Variants in EYS observed in about 807,000 individuals in gnomAD.
The protein encoded by EYS is EGF-like photoreceptor maintenance factor, also known as protein eyes shut homolog.
Under a neutral mutation model 282.1 loss-of-function variants are expected in EYS, and 250 were observed. That is an observed-to-expected ratio of 0.89 (90% confidence interval 0.80 to 0.98). The LOEUF (loss-of-function observed/expected upper bound fraction) is 0.98. Ranked by LOEUF, EYS falls within the 50% of genes least tolerant of loss-of-function variation. EYS has a pLI of 0.00. For missense variants in EYS, 4,016 were observed against 3,709.0 expected (o/e 1.08, Z -2.15); for synonymous variants, 1,355 against 1,282.9 (o/e 1.06, Z -1.20).
chr6:65,122,935 A>G (rs1308070409), intron 12 of EYS, among the ~76,000 whole-genome samples: 1 of 152,146 alleles, frequency 6.6e-6, no homozygotes, highest in Non-Finnish European at 1.5e-5. Context: ...ATATTTGAAC[A>G]TAGATATTAT....
rs1369490798 is a variant in EYS, at chr6:64,151,393, G to A, written c.6425-69391C>T. On this transcript the variant is annotated intron_variant, in intron 31 of 42. Transcript: ENST00000503581. ...TTTTTTTCTTTTGAGATGGAGTCTC[G>A]CTCTGTCACCAGGCTGGAGTGCAAT... Among the ~76,000 whole-genome samples the A allele has an allele frequency of 8.2e-5, 9 of 109,828 alleles. No homozygotes were observed. The South Asian group carries it at 1.6e-3, about 19-fold the overall frequency. 72.1% of individuals were successfully genotyped at this position (109,828 alleles called of 152,430 possible).
At chr6:64,461,201 A>G (rs1483867620) in intron 26 of EYS, among the ~76,000 whole-genome samples, 1 of 152,202 alleles carries the variant, frequency 6.6e-6, no homozygotes, top group Admixed American at 6.5e-5. Flanking sequence ...ATTGACCACT[A>G]ACATTTTAGT....
At chr6:64,674,387 G>A (rs1366796099) in intron 22 of EYS, among the ~76,000 whole-genome samples, 1 of 145,930 alleles carries the variant, frequency 6.9e-6, no homozygotes, top group Non-Finnish European at 1.5e-5. Flanking sequence ...TATGTGATGG[G>A]AAGGGATTTA....
intron 31 of EYS, among the ~76,000 whole-genome samples, chr6:64,082,505 G>A (rs1212984304): frequency 6.6e-6 from 1 of 151,708 alleles, no homozygotes; most frequent in Non-Finnish European, 1.5e-5. Flanking sequence ...TTATCCTTTG[G>A]GTTACAAACA....
At chr6:64,441,048 T>C (rs1205345081) in intron 26 of EYS, among the ~76,000 whole-genome samples, 2 of 152,136 alleles carry the variant, frequency 1.3e-5, no homozygotes, top group Non-Finnish European at 2.9e-5. Flanking sequence ...GAAAGAATGG[T>C]AAAATCATTG....
At chr6:65,705,689 T>C (rs1162160551) in intron 1 of EYS, among the ~76,000 whole-genome samples, 2 of 152,168 alleles carry the variant, frequency 1.3e-5, no homozygotes, top group African/African-American at 2.4e-5. Context: ...AGTTTCTTCA[T>C]GGTTTGGCAT....
intron 2 of EYS, among the ~76,000 whole-genome samples, chr6:65,545,018 G>C (rs1768329517): frequency 6.6e-6 from 1 of 152,006 alleles, no homozygotes; most frequent in South Asian, 2.1e-4. Context: ...GCAGTTACTT[G>C]GGCAGTGAAT....
chr6:64,562,568 G>A (rs986075178), intron 26 of EYS, among the ~76,000 whole-genome samples: 3 of 151,802 alleles, frequency 2.0e-5, no homozygotes, highest in African/African-American at 7.2e-5. Flanking sequence ...ATCTGGCTTA[G>A]AGTGAGGAAA....
chr6:65,648,289 A>G (rs1288573764), intron 1 of EYS, among the ~76,000 whole-genome samples: 2 of 150,790 alleles, frequency 1.3e-5, no homozygotes, highest in South Asian at 2.1e-4. Flanking sequence ...ATGTCCATCA[A>G]TCAATGAGTG....
At chr6:64,441,380 G>T (rs911822008) in intron 26 of EYS, among the ~76,000 whole-genome samples, 4 of 152,128 alleles carry the variant, frequency 2.6e-5, no homozygotes, top group African/African-American at 9.7e-5. Flanking sequence ...CTGTAGACAA[G>T]AACAGAGCTT....
chr6:64,729,835 G>T (rs1034824813), intron 22 of EYS, among the ~76,000 whole-genome samples: 2 of 152,112 alleles, frequency 1.3e-5, no homozygotes, highest in African/African-American at 4.8e-5. Context: ...ACAAGGAGAA[G>T]AAATAATTTT....
intron 14 of EYS, among the ~76,000 whole-genome samples, chr6:64,959,324 T>A (rs1769833844): frequency 6.6e-6 from 1 of 152,234 alleles, no homozygotes; most frequent in South Asian, 2.1e-4. Flanking sequence ...TAGAATGTGT[T>A]ATTATTGACA....
At chr6:64,633,881 T>G (rs1384361475) in intron 22 of EYS, among the ~76,000 whole-genome samples, 1 of 152,178 alleles carries the variant, frequency 6.6e-6, no homozygotes, top group Non-Finnish European at 1.5e-5. Context: ...GCTCGCATCT[T>G]GAGTGCAACC....
chr6:65,321,723 G>A (rs1190443963), intron 11 of EYS, among the ~76,000 whole-genome samples: 1 of 152,290 alleles, frequency 6.6e-6, no homozygotes, highest in African/African-American at 2.4e-5. Flanking sequence ...GGCTGCATGT[G>A]CCAGGAAGAA....
At chr6:64,962,854 G>T (rs1769971084) in intron 14 of EYS, among the ~76,000 whole-genome samples, 1 of 152,092 alleles carries the variant, frequency 6.6e-6, no homozygotes. Context: ...AAATGATTTA[G>T]GTGGTATAAA....
chr6:63,911,023 A>T (rs1044929400), intron 35 of EYS, among the ~76,000 whole-genome samples: 1 of 152,052 alleles, frequency 6.6e-6, no homozygotes, highest in Non-Finnish European at 1.5e-5. Context: ...TTTATCAGTG[A>T]GAGAGAAACA....
chr6:64,871,453 A>G (rs1766595391), intron 19 of EYS, among the ~76,000 whole-genome samples: 1 of 152,000 alleles, frequency 6.6e-6, no homozygotes, highest in Non-Finnish European at 1.5e-5. Context: ...GACTACAGGT[A>G]ACACATGTTT....
chr6:64,628,875 A>T (rs1767691942), intron 22 of EYS, among the ~76,000 whole-genome samples: 1 of 152,308 alleles, frequency 6.6e-6, no homozygotes, highest in South Asian at 2.1e-4. Flanking sequence ...GGTAGCACAG[A>T]ATGTTCTCAT....
intron 1 of EYS, among the ~76,000 whole-genome samples, chr6:65,651,273 A>G (rs1258733661): frequency 6.6e-6 from 1 of 152,038 alleles, no homozygotes; most frequent in African/African-American, 2.4e-5. Context: ...TTAGATCAGA[A>G]AAATAAGTGA....
Sources: allele counts gnomAD v4.1 joint callset (sites outside exome capture counted in the v4.1 genomes callset), GRCh38; gene constraint gnomAD v4.1.1; transcripts MANE v1.5; gene names NCBI Gene and HGNC (gene_info 2026-07-23, HGNC 2026-07-21).